Variants in RBM46 observed in about 807,000 individuals in gnomAD.
RBM46 encodes the protein probable RNA-binding protein 46.
RBM46 carries 12 observed loss-of-function variants against 43.3 expected under a neutral mutation model. The observed-to-expected ratio is 0.28, with a 90% CI of 0.18 to 0.45. The LOEUF is 0.45. RBM46 is among the 20% of genes least tolerant of loss of function. The probability of loss-of-function intolerance (pLI) is 1.00; values close to 1 mark genes in which losing one functional copy is unlikely to be tolerated. For synonymous variants in RBM46, 205 were observed against 207.6 expected, an observed-to-expected ratio of 0.99 and a Z score of 0.11; for missense variants, 412 against 639.1, an observed-to-expected ratio of 0.64 and a Z score of 3.83.
chr4:154,799,973 G>C (rs1339200014), intron 4 of RBM46, among the ~76,000 whole-genome samples: 1 of 151,866 alleles, frequency 6.6e-6, no homozygotes, highest in Non-Finnish European at 1.5e-5. Flanking sequence ...GGGTTTCACT[G>C]TGTTAGCTAG....
intron 4 of RBM46, among the ~76,000 whole-genome samples, chr4:154,814,096 C>G (rs1230921275): frequency 7.2e-5 from 11 of 151,978 alleles, no homozygotes; most frequent in African/African-American, 2.7e-4. Context: ...TAGGAGCCTA[C>G]TTAGATTTTT....
intron 1 of RBM46, among the ~76,000 whole-genome samples, chr4:154,789,113 A>G (rs150966038): frequency 0.14 from 20,562 of 152,210 alleles, 2,134 homozygotes; most frequent in East Asian, 0.44. Context: ...CAATCATGTC[A>G]TCTGCAAACA....
chr4:154,812,013 T>G (rs1487375313), intron 4 of RBM46, among the ~76,000 whole-genome samples: 3 of 150,976 alleles, frequency 2.0e-5, no homozygotes, highest in Non-Finnish European at 4.4e-5. Flanking sequence ...TTGACACTTC[T>G]TTACTTTTTT....
intron 4 of RBM46, among the ~76,000 whole-genome samples, chr4:154,813,482 C>A (rs961861780): frequency 1.3e-5 from 2 of 151,838 alleles, no homozygotes; most frequent in South Asian, 2.1e-4. Context: ...TATTTTTAAA[C>A]CCTCTGAGAA....
intron 1 of RBM46, among the ~76,000 whole-genome samples, chr4:154,789,828 A>T (rs180845527): frequency 6.6e-6 from 1 of 152,132 alleles, no homozygotes; most frequent in Admixed American, 6.5e-5. Flanking sequence ...TTGGTAGGCT[A>T]TTAATTATTG....
intron 1 of RBM46, among the ~76,000 whole-genome samples, chr4:154,783,457 A>G (rs1419356605): frequency 6.6e-6 from 1 of 152,204 alleles, no homozygotes; most frequent in Non-Finnish European, 1.5e-5. Flanking sequence ...AATTGCTGTA[A>G]AAATTGTCCA....
chr4:154,796,494 ATTGT>A (rs1174936229), intron 1 of RBM46, among the ~76,000 whole-genome samples: 1 of 150,002 alleles, frequency 6.7e-6, no homozygotes, highest in African/African-American at 2.5e-5. Flanking sequence ...TCTCTTTTTC[ATTGT>A]TTGTGTCCCT....
At chr4:154,819,164 AT>A (rs1735606717) in intron 4 of RBM46, among the ~76,000 whole-genome samples, 1 of 152,186 alleles carries the variant, frequency 6.6e-6, no homozygotes, top group Non-Finnish European at 1.5e-5. Context: ...ACGATGTTAT[AT>A]TTATTCATAG....
chr4:154,820,594 A>G (rs531074875), intron 4 of RBM46, among the ~76,000 whole-genome samples: 2 of 151,946 alleles, frequency 1.3e-5, no homozygotes, highest in Non-Finnish European at 2.9e-5. Context: ...AAAAAGTTAA[A>G]GTGGTTTCTG....
At chr4:154,804,362 T>TA (rs1427659012) in intron 4 of RBM46, among the ~76,000 whole-genome samples, 1 of 152,214 alleles carries the variant, frequency 6.6e-6, no homozygotes, top group Non-Finnish European at 1.5e-5. Flanking sequence ...GTTATCTGTT[T>TA]AGTAATAAAG....
intron 1 of RBM46, among the ~76,000 whole-genome samples, chr4:154,784,196 T>G (rs1281757088): frequency 1.3e-5 from 2 of 152,228 alleles, no homozygotes; most frequent in Non-Finnish European, 2.9e-5. Context: ...AAACCCACAG[T>G]AAGATTATAT....
intron 4 of RBM46, chr4:154,826,998 T>C (rs1383007408): frequency 7.8e-7 from 1 of 1,274,874 alleles, no homozygotes; most frequent in Non-Finnish European, 9.9e-7. Context: ...TTTATAGTCA[T>C]TGTCACACCC....
rs1008063575 is a variant in RBM46, at chr4:154,796,628, T to C, written c.-11-114T>C. ...CAGAACCTCAGAGGACAGTGAAGGC[T>C]AATCAAACATGCCAGCCACAACTGT... On this transcript the variant is annotated intron_variant, in intron 1 of 4. Transcript: ENST00000281722. 10 of 689,898 alleles carry C rather than the reference T, an allele frequency of 1.4e-5. No individual in the cohort carries two copies. The African/African-American group carries it at 1.5e-4, about 10-fold the overall frequency. The allele number at this position is 689,898 out of a possible 1,614,324, so 42.7% of individuals were successfully genotyped here. A position where few individuals can be genotyped will look rare whatever the true frequency, so the allele number is the denominator to read the frequency against.
At chr4:154,795,227 A>G (rs913466336) in intron 1 of RBM46, among the ~76,000 whole-genome samples, 1 of 152,232 alleles carries the variant, frequency 6.6e-6, no homozygotes, top group Non-Finnish European at 1.5e-5. Flanking sequence ...TATTATAGAC[A>G]GGTAAACATA....
intron 4 of RBM46, among the ~76,000 whole-genome samples, chr4:154,812,788 AT>A (rs1363226500): frequency 6.6e-6 from 1 of 152,134 alleles, no homozygotes; most frequent in Non-Finnish European, 1.5e-5. Context: ...GTAGCCATAC[AT>A]TTCCTGCTGT....
rs757197731 is a variant in RBM46 at position 154,828,043 on chromosome 4, C to A, written c.1578C>A (p.Ile526=). 8.7e-6 allele frequency: 14 copies of A among 1,613,010 alleles called. No individual in the cohort carries two copies. Among genetic ancestry groups the A allele is most frequent in the African/African-American group, 1.3e-5 (1 of 75,006 alleles). ...NGSHVGQRLC[I]SNQASFF ...GCCATGTTGGACAGCGGCTATGTAT[C>A]TCCAATCAGGCCTCCTTCTTCTGAA... Residue 526 remains isoleucine (I), a synonymous_variant, in exon 5 of 5, where the codon ATC becomes ATA. Transcript: ENST00000281722.
Position 154,827,904 on chromosome 4 carries a change from C to T in RBM46, c.1439C>T (p.Ser480Phe), listed in dbSNP as rs1340702800. 6.2e-7 allele frequency: 1 copy of T among 1,613,888 alleles called. No individual in the cohort carries two copies. The highest frequency in any genetic ancestry group is 8.5e-7 in the Non-Finnish European group (1 of 1,179,838). ...CATCGCAGCTCAATAAATAGTCTTT[C>T]CCCTGTTAGTGCTACCCTCTCTTCT... ...NFHRSSINSL[S>F]PVSATLSSGT... is the part of the protein sequence containing the mutation. The change falls in exon 5 of 5, where the codon TCC (serine) becomes TTC (phenylalanine). Residue 480 changes from serine to phenylalanine, a missense_variant. Coordinates refer to ENST00000281722, the MANE Select transcript of RBM46 (RefSeq NM_144979.5).
At chr4:154,784,711 C>CT (rs1304765783) in intron 1 of RBM46, among the ~76,000 whole-genome samples, 1 of 152,180 alleles carries the variant, frequency 6.6e-6, no homozygotes, top group African/African-American at 2.4e-5. Context: ...AGGATCCCTC[C>CT]TTCTCTTACT....
At chr4:154,807,375 A>C (rs1417628332) in intron 4 of RBM46, among the ~76,000 whole-genome samples, 1 of 151,542 alleles carries the variant, frequency 6.6e-6, no homozygotes, top group Non-Finnish European at 1.5e-5. Flanking sequence ...TCTCTGTGAA[A>C]TGCTCTACTT....
Sources: allele counts gnomAD v4.1 joint callset (sites outside exome capture counted in the v4.1 genomes callset), GRCh38; gene constraint gnomAD v4.1.1; transcripts MANE v1.5; gene names NCBI Gene and HGNC (gene_info 2026-07-23, HGNC 2026-07-21).